GRIN2A: variants seen among roughly 807,000 people sequenced by gnomAD.
GRIN2A encodes the protein glutamate ionotropic receptor NMDA type subunit 2A.
In GRIN2A, 22 loss-of-function variants were observed where a neutral mutation model predicts 113.4. The ratio of observed to expected loss-of-function variants is 0.19; its 90% CI spans 0.14 to 0.28. The LOEUF is 0.28. Among genes scored for constraint, GRIN2A ranks in the 10% least tolerant of loss-of-function variants. GRIN2A has a pLI of 1.00. For missense variants in GRIN2A, 1,502 were observed against 1,887.0 expected (o/e 0.80, Z 3.78); for synonymous variants, 827 against 738.4 (o/e 1.12, Z -1.94).
chr16:9,895,886 G>A (rs2043795695), intron 3 of GRIN2A, among the ~76,000 whole-genome samples: 1 of 152,104 alleles, frequency 6.6e-6, no homozygotes, highest in South Asian at 2.1e-4. Flanking sequence ...CCAAATGTGG[G>A]AAAACTGAAA....
At chr16:10,065,768 C>T (rs2047636929) in intron 2 of GRIN2A, among the ~76,000 whole-genome samples, 1 of 152,138 alleles carries the variant, frequency 6.6e-6, no homozygotes, top group African/African-American at 2.4e-5. Flanking sequence ...TTTACTCCAA[C>T]CCCATCTCAA....
chr16:9,980,979 A>T (rs928297071), intron 2 of GRIN2A, among the ~76,000 whole-genome samples: 3 of 151,298 alleles, frequency 2.0e-5, no homozygotes, highest in Non-Finnish European at 2.9e-5. Flanking sequence ...CCTAAAACTT[A>T]AAGTATAATA....
At chr16:9,820,398 A>G (rs1008817475) in intron 10 of GRIN2A, among the ~76,000 whole-genome samples, 6 of 152,246 alleles carry the variant, frequency 3.9e-5, no homozygotes, top group Non-Finnish European at 8.8e-5. Context: ...GGTATCTGTG[A>G]AAGTGGAAGA....
At chr16:9,865,107 C>G (rs755116122) in intron 4 of GRIN2A, among the ~76,000 whole-genome samples, 1 of 152,122 alleles carries the variant, frequency 6.6e-6, no homozygotes, top group African/African-American at 2.4e-5. Flanking sequence ...AGTATTCCAA[C>G]AAGAGGATCA....
chr16:9,822,233 C>T, intron 10 of GRIN2A, 31 bp downstream of exon 10: 1 of 1,609,842 alleles, frequency 6.2e-7, no homozygotes, highest in African/African-American at 1.3e-5. Flanking sequence ...CGCTCGCAGA[C>T]CTGTGGTGAA....
At chr16:10,099,757 T>G (rs1438087443) in intron 2 of GRIN2A, among the ~76,000 whole-genome samples, 1 of 152,184 alleles carries the variant, frequency 6.6e-6, no homozygotes, top group African/African-American at 2.4e-5. Context: ...CCTCCTTCAC[T>G]CCCAAATAGA....
At chr16:9,995,598 G>T (rs531409450) in intron 2 of GRIN2A, among the ~76,000 whole-genome samples, 80 of 152,228 alleles carry the variant, frequency 5.3e-4, no homozygotes, top group Non-Finnish European at 9.9e-4. Flanking sequence ...TTCACTCCCA[G>T]TCATAATGAA....
intron 2 of GRIN2A, among the ~76,000 whole-genome samples, chr16:10,135,826 C>T (rs545135686): frequency 6.6e-6 from 1 of 152,142 alleles, no homozygotes; most frequent in Non-Finnish European, 1.5e-5. Flanking sequence ...TCTAAGATAA[C>T]CTCCCTTAAA....
chr16:9,964,337 A>G (rs969551776), intron 2 of GRIN2A, among the ~76,000 whole-genome samples: 2 of 152,214 alleles, frequency 1.3e-5, no homozygotes, highest in African/African-American at 4.8e-5. Flanking sequence ...TCAGCCTTGA[A>G]TTCTTCTTCC....
At chr16:9,888,160 C>T (rs1462532225) in intron 4 of GRIN2A, among the ~76,000 whole-genome samples, 2 of 152,040 alleles carry the variant, frequency 1.3e-5, no homozygotes, top group African/African-American at 2.4e-5. Flanking sequence ...AGGCTGGTCT[C>T]GAACTCCTGA....
chr16:9,828,970 T>G (rs890547870), intron 9 of GRIN2A, among the ~76,000 whole-genome samples: 4 of 152,196 alleles, frequency 2.6e-5, no homozygotes, highest in Non-Finnish European at 4.4e-5. Flanking sequence ...GATAATTTTG[T>G]CTCTGGGTAG....
intron 4 of GRIN2A, among the ~76,000 whole-genome samples, chr16:9,872,145 G>A (rs2043274595): frequency 6.6e-6 from 1 of 152,168 alleles, no homozygotes; most frequent in South Asian, 2.1e-4. Flanking sequence ...GGAACCCCAA[G>A]GGGTGGGTAT....
intron 3 of GRIN2A, among the ~76,000 whole-genome samples, chr16:9,932,309 T>C (rs1232303369): frequency 1.3e-5 from 2 of 152,222 alleles, no homozygotes; most frequent in East Asian, 1.9e-4. Flanking sequence ...AATGAACAAA[T>C]GGTAATATCA....
intron 2 of GRIN2A, among the ~76,000 whole-genome samples, chr16:10,105,972 A>ATC (rs935823968): frequency 6.6e-6 from 1 of 152,166 alleles, no homozygotes; most frequent in African/African-American, 2.4e-5. Context: ...GCAAAGGTAT[A>ATC]TGTATATGCA....
At chr16:10,009,069 C>T (rs1326663173) in intron 2 of GRIN2A, among the ~76,000 whole-genome samples, 1 of 152,114 alleles carries the variant, frequency 6.6e-6, no homozygotes, top group East Asian at 1.9e-4. Flanking sequence ...TGATAAAGTC[C>T]CGTATTTATG....
At chr16:10,057,100 T>A (rs536702837) in intron 2 of GRIN2A, among the ~76,000 whole-genome samples, 2 of 151,718 alleles carry the variant, frequency 1.3e-5, no homozygotes, top group South Asian at 2.1e-4. Context: ...CATCCATCTA[T>A]CCACCCATCC....
chr16:9,777,801 C>T (rs1201655116), intron 11 of GRIN2A, among the ~76,000 whole-genome samples: 3 of 152,244 alleles, frequency 2.0e-5, no homozygotes, highest in Non-Finnish European at 2.9e-5. Flanking sequence ...CAGTGGCTCA[C>T]GCCTGTAATC....
intron 2 of GRIN2A, among the ~76,000 whole-genome samples, chr16:10,172,557 T>C (rs1205690325): frequency 6.6e-6 from 1 of 152,180 alleles, no homozygotes; most frequent in Non-Finnish European, 1.5e-5. Flanking sequence ...TTGGGGAATT[T>C]AAGAAAGGAG....
At chr16:10,123,375 T>G (rs2048869605) in intron 2 of GRIN2A, among the ~76,000 whole-genome samples, 1 of 152,146 alleles carries the variant, frequency 6.6e-6, no homozygotes, top group Non-Finnish European at 1.5e-5. Flanking sequence ...CAAGCTCAAC[T>G]TGCTTTTATT....
Sources: gnomAD v4.1 joint callset for allele counts (sites outside exome capture counted in the v4.1 genomes callset) on GRCh38, gnomAD v4.1.1 for gene constraint, MANE v1.5 for transcripts, NCBI Gene and HGNC (gene_info 2026-07-23, HGNC 2026-07-21) for gene names.